The following ANKS4B variants were observed in gnomAD, a reference collection of about 807,000 sequenced individuals.
The protein encoded by ANKS4B is ankyrin repeat and SAM domain-containing protein 4B.
Under a neutral mutation model 20.2 loss-of-function variants are expected in ANKS4B, and 21 were observed. That is an observed-to-expected ratio of 1.04 (90% confidence interval 0.74 to 1.50). The LOEUF (loss-of-function observed/expected upper bound fraction) is 1.50, where lower values mean the gene tolerates loss of function less well. Ranked by LOEUF, ANKS4B falls within the 40% of genes most tolerant of loss-of-function variation. The pLI, the probability that ANKS4B is intolerant of heterozygous loss-of-function variation, is 0.00. For missense variants in ANKS4B, 473 were observed against 494.6 expected, an observed-to-expected ratio of 0.96 and a Z score of 0.41; for synonymous variants, 179 against 194.5, an observed-to-expected ratio of 0.92 and a Z score of 0.66.
At position 21,250,145 on chromosome 16, in the gene ANKS4B, A is replaced by G. The variant is rs748520610; in HGVS notation, c.579A>G (p.Thr193=). 1 of 1,614,196 alleles carries G rather than the reference A, an allele frequency of 6.2e-7. No homozygotes were observed. Among genetic ancestry groups the G allele is most frequent in the East Asian group, 2.2e-5 (1 of 44,884 alleles). Reference sequence around the variant, plus strand: ...CTTCAAATGCTTCTGCTCCTGGCACATTCGGGTCACTATCTAAGGGCATTA... The same window carrying G: ...CTTCAAATGCTTCTGCTCCTGGCACGTTCGGGTCACTATCTAAGGGCATTA... The part of the protein sequence containing the change: ...SSPSNASAPG[T]FGSLSKGIKD... Residue 193 remains threonine (T), a synonymous_variant, in exon 2 of 2, where the codon ACA becomes ACG. Transcript: ENST00000311620.
Sources: gnomAD v4.1 joint callset for allele counts on GRCh38, gnomAD v4.1.1 for gene constraint, MANE v1.5 for transcripts, NCBI Gene and HGNC (gene_info 2026-07-23, HGNC 2026-07-21) for gene names.